The following GTF3C3 variants were observed in gnomAD, a reference collection of about 807,000 sequenced individuals.
The protein encoded by GTF3C3 is general transcription factor 3C polypeptide 3.
Under a neutral mutation model 105.2 loss-of-function variants are expected in GTF3C3, and 75 were observed. That is an observed-to-expected ratio of 0.71 (90% CI 0.59 to 0.86). The LOEUF is 0.86. GTF3C3 is among the 40% of genes least tolerant of loss of function. The pLI, the probability that GTF3C3 is intolerant of heterozygous loss-of-function variation, is 0.00. For missense variants in GTF3C3, 856 were observed against 1,076.5 expected (o/e 0.80, Z 2.87); for synonymous variants, 335 against 370.4 (o/e 0.90, Z 1.10).
intron 14 of GTF3C3, 23 bp from the exon 15 acceptor site, chr2:196,771,961 AG>A: frequency 1.3e-6 from 2 of 1,523,958 alleles, no homozygotes; most frequent in East Asian, 2.3e-5. Context: ...GAAGAGGGTG[AG>A]GGAGAAAATA....
intron 17 of GTF3C3, among the ~76,000 whole-genome samples, chr2:196,765,050 A>G (rs542659448): frequency 2.6e-5 from 4 of 152,316 alleles, no homozygotes; most frequent in African/African-American, 7.2e-5. Context: ...ATAAAGGGAA[A>G]GATTGGTATG....
At chr2:196,789,486 A>G (rs1699510564) in intron 5 of GTF3C3, 117 bp from the exon 6 acceptor site, 3 of 652,728 alleles carry the variant, frequency 4.6e-6, no homozygotes, top group Non-Finnish European at 7.7e-6. Context: ...GAACCAAGGG[A>G]GTTATTCTGA....
At chr2:196,783,593 C>G (rs1007379115) in intron 8 of GTF3C3, among the ~76,000 whole-genome samples, 5 of 152,148 alleles carry the variant, frequency 3.3e-5, no homozygotes, top group Admixed American at 2.0e-4. Flanking sequence ...CCTGATGACT[C>G]AACAGCCCCA....
At chr2:196,774,915 A>T (rs1304515359) in intron 13 of GTF3C3, 5 of 384,030 alleles carry the variant, frequency 1.3e-5, no homozygotes, top group Non-Finnish European at 2.3e-5. Flanking sequence ...TTTCCTTTTA[A>T]TTTTTTTTAA....
intron 17 of GTF3C3, among the ~76,000 whole-genome samples, chr2:196,765,866 T>C (rs375672568): frequency 1.1e-4 from 17 of 151,486 alleles, no homozygotes; most frequent in Middle Eastern, 3.4e-3. Context: ...AAAAATTAGC[T>C]GGGCGTGGTG....
Position 196,799,520 on chromosome 2 carries a change from CGG to C in GTF3C3, c.90_91del (p.Lys33GlufsTer12). 1.2e-6 allele frequency: 2 copies of C among 1,613,618 alleles called. No homozygotes were observed. Among genetic ancestry groups the C allele is most frequent in the Non-Finnish European group, 1.7e-6 (2 of 1,179,530 alleles). Reference sequence around the variant, plus strand: ...CTAGCATCGCCTCACTTTCTTCTCGCGGGTTTTTCTCTCTTCTCTCCGCCGTT... The same window carrying C: ...CTAGCATCGCCTCACTTTCTTCTCGCGTTTTTCTCTCTTCTCTCCGCCGTT... On this transcript the variant is annotated frameshift_variant, in exon 1 of 18. Coordinates refer to ENST00000263956, the MANE Select transcript of GTF3C3 (RefSeq NM_012086.5). LOFTEE classifies it high-confidence loss of function.
At chr2:196,789,425 G>T in intron 5 of GTF3C3, 56 bp from the exon 6 acceptor site, 1 of 1,215,554 alleles carries the variant, frequency 8.2e-7, no homozygotes. Context: ...TGGTACCTGG[G>T]TGTGATCCAT....
chr2:196,790,096 C>G, intron 4 of GTF3C3, 26 bp from the exon 5 acceptor site: 1 of 1,510,212 alleles, frequency 6.6e-7, no homozygotes, highest in South Asian at 1.2e-5. Context: ...AAAATAAATT[C>G]CATTGGCTGA....
At chr2:196,787,981 T>G (rs570317652) in intron 6 of GTF3C3, among the ~76,000 whole-genome samples, 1 of 152,324 alleles carries the variant, frequency 6.6e-6, no homozygotes, top group East Asian at 1.9e-4. Context: ...CAAAAAAGTA[T>G]TATATCTAAT....
chr2:196,788,293 G>A (rs776661161), intron 6 of GTF3C3, among the ~76,000 whole-genome samples: 1 of 152,254 alleles, frequency 6.6e-6, no homozygotes, highest in Non-Finnish European at 1.5e-5. Context: ...AATGTACCCT[G>A]ATGGAGATGG....
At chr2:196,766,516 T>C (rs1191849661) in intron 17 of GTF3C3, 49 bp downstream of exon 17, 5 of 1,468,100 alleles carry the variant, frequency 3.4e-6, no homozygotes, top group African/African-American at 1.4e-5. Context: ...ACTGCCCTTA[T>C]CTACAGACAG....
At chr2:196,781,348 AAAAAAAAAAATATATATATATATATAT>A (rs1699347737) in intron 8 of GTF3C3, among the ~76,000 whole-genome samples, 1 of 82,926 alleles carries the variant, frequency 1.2e-5, no homozygotes, top group Non-Finnish European at 2.5e-5. Context: ...AGGGGAAAAA[AAAAAAAAAAATATATATATATATATAT>A]ATATATATAT....
intron 8 of GTF3C3, among the ~76,000 whole-genome samples, chr2:196,781,642 CTG>C (rs1280967146): frequency 6.6e-6 from 1 of 151,730 alleles, no homozygotes; most frequent in African/African-American, 2.4e-5. Flanking sequence ...CTCATGAACA[CTG>C]AGGGGAGACT....
chr2:196,799,325 A>C, intron 1 of GTF3C3, 185 bp downstream of exon 1: 1 of 522,606 alleles, frequency 1.9e-6, no homozygotes, highest in Non-Finnish European at 3.4e-6. Flanking sequence ...TCGGTGGGGG[A>C]AAACGTTTTA....
chr2:196,776,032 G>T lies in GTF3C3; in HGVS notation c.1673C>A (p.Thr558Asn). 6.4e-7 allele frequency: 1 copy of T among 1,567,610 alleles called. No individual in the cohort carries two copies. Among genetic ancestry groups the T allele is most frequent in the Non-Finnish European group, 8.7e-7 (1 of 1,149,684 alleles). ...KMYGYVDTLLTMLAMLLKVAM... is the reference protein window; with the variant it reads ...KMYGYVDTLLNMLAMLLKVAM... ...CACCTTTAAAAGCATGGCTAACATA[G>T]TAAGTAAGGTATCCACATAACCATA... The change falls in exon 12 of 18, where the codon ACT becomes AAT. Residue 558 changes from threonine to asparagine, a missense_variant. Around this residue, in one of 3 missense-constraint regions of GTF3C3, gnomAD observed 605 missense variants for 833.6 expected, o/e 0.73. Transcript: ENST00000263956. The surrounding 1 kb of genome is among the most constrained non-coding windows in gnomAD (Gnocchi z 4.5).
rs369652558 is a variant in GTF3C3, at chr2:196,763,734, A to G, written c.*829T>C. 23 of 152,376 alleles carry G rather than the reference A, an allele frequency of 1.5e-4. No individual in the cohort carries two copies. Among genetic ancestry groups the G allele is most frequent in the African/African-American group, 5.5e-4 (23 of 41,596 alleles). 9.4% of individuals were successfully genotyped at this position (152,376 alleles called of 1,614,324 possible). On this transcript the variant is annotated 3_prime_UTR_variant, in exon 18 of 18. Coordinates refer to ENST00000263956, the MANE Select transcript of GTF3C3 (RefSeq NM_012086.5). ...TAAGCTAACAGTATATCATCTAAAA[A>G]GTACTGTTAACTTAAATTCAAGAAC...
At chr2:196,765,031 G>A (rs1699036431) in intron 17 of GTF3C3, among the ~76,000 whole-genome samples, 1 of 152,246 alleles carries the variant, frequency 6.6e-6, no homozygotes, top group East Asian at 1.9e-4. Flanking sequence ...GATAGCAAAA[G>A]TAGCAACTAT....
At chr2:196,797,726 A>G (rs1699670152) in intron 2 of GTF3C3, 71 bp downstream of exon 2, 2 of 886,542 alleles carry the variant, frequency 2.3e-6, no homozygotes. Flanking sequence ...ATGAAAATAC[A>G]ATGTTTCACT....
intron 9 of GTF3C3, 66 bp from the exon 10 acceptor site, chr2:196,779,133 T>A: frequency 2.6e-6 from 3 of 1,168,482 alleles, no homozygotes; most frequent in Non-Finnish European, 1.2e-6. Flanking sequence ...TCTATAGCTT[T>A]TTTTTTTTTT....
Sources: allele counts gnomAD v4.1 joint callset (sites outside exome capture counted in the v4.1 genomes callset), GRCh38; gene constraint gnomAD v4.1.1; regional missense constraint gnomAD v4.1.1; non-coding constraint Gnocchi (gnomAD v3.1); transcripts MANE v1.5; gene names NCBI Gene and HGNC (gene_info 2026-07-23, HGNC 2026-07-21).